The following MTDH variants were observed in gnomAD, a reference collection of about 807,000 sequenced individuals.
The protein encoded by MTDH is metadherin.
MTDH carries 34 observed loss-of-function variants against 72.7 expected under a neutral mutation model. The ratio of observed to expected loss-of-function variants is 0.47; its 90% CI spans 0.36 to 0.62. The LOEUF is 0.62. Ranked by LOEUF, MTDH falls within the 20% of genes least tolerant of loss-of-function variation. The pLI is 0.00. For missense variants in MTDH, 677 were observed against 699.4 expected, an observed-to-expected ratio of 0.97 and a Z score of 0.36; for synonymous variants, 266 against 268.9, an observed-to-expected ratio of 0.99 and a Z score of 0.10.
chr8:97,649,581 C>A (rs1277907203), intron 1 of MTDH, among the ~76,000 whole-genome samples: 1 of 152,132 alleles, frequency 6.6e-6, no homozygotes, highest in Non-Finnish European at 1.5e-5. Context: ...TTCTGTGTCT[C>A]TTTATTTATG....
At chr8:97,661,918 C>CG (rs1812184622) in intron 2 of MTDH, among the ~76,000 whole-genome samples, 1 of 110,306 alleles carries the variant, frequency 9.1e-6, no homozygotes, top group African/African-American at 3.2e-5. Context: ...GACCCTGTCT[C>CG]AAAAAAAAAA....
chr8:97,690,927 TA>T, intron 5 of MTDH, 24 bp from the exon 6 acceptor site: 1 of 1,535,048 alleles, frequency 6.5e-7, no homozygotes, highest in Non-Finnish European at 8.9e-7. Flanking sequence ...ACCTGTTTTT[TA>T]ATATTCATTT....
rs1320775432 is a variant in MTDH at position 97,691,831 on chromosome 8, C to T, written c.1048+643C>T. Among the ~76,000 whole-genome samples, 3 of 151,946 alleles carry T rather than the reference C, an allele frequency of 2.0e-5. 1 individual carries two copies. The highest frequency in any genetic ancestry group is 1.5e-5 in the Non-Finnish European group (1 of 67,978). The stretch of plus-strand genomic sequence containing the variant: ...TGTTATTTATATTTCTTCTCCCTCC[C>T]TTTCTCCTGCCCGCAACTGTATATA... On this transcript the variant is annotated intron_variant, in intron 6 of 11. Coordinates refer to ENST00000336273, the MANE Select transcript of MTDH (RefSeq NM_178812.4).
At chr8:97,689,352 G>A (rs898220654) in intron 5 of MTDH, among the ~76,000 whole-genome samples, 3 of 151,564 alleles carry the variant, frequency 2.0e-5, no homozygotes, top group African/African-American at 4.8e-5. Flanking sequence ...TTCAGTAGTC[G>A]CTTATATTGC....
At chr8:97,690,861 A>G in intron 5 of MTDH, 91 bp from the exon 6 acceptor site, 2 of 910,964 alleles carry the variant, frequency 2.2e-6, no homozygotes, top group Non-Finnish European at 3.3e-6. Context: ...TGAGTAATAA[A>G]TATAAGTCAA....
intron 11 of MTDH, among the ~76,000 whole-genome samples, chr8:97,723,272 C>G (rs936269345): frequency 6.6e-6 from 1 of 151,084 alleles, no homozygotes; most frequent in Non-Finnish European, 1.5e-5. Flanking sequence ...GCGGCGGGTG[C>G]CTGTAGTCCC....
At chr8:97,646,749 G>A (rs887917556) in intron 1 of MTDH, among the ~76,000 whole-genome samples, 5 of 152,226 alleles carry the variant, frequency 3.3e-5, no homozygotes, top group Non-Finnish European at 5.9e-5. Flanking sequence ...GAAGTGGGGA[G>A]TAAATAAGTA....
intron 6 of MTDH, among the ~76,000 whole-genome samples, chr8:97,694,854 C>T (rs1460322745): frequency 2.6e-5 from 4 of 151,602 alleles, no homozygotes; most frequent in South Asian, 2.1e-4. Flanking sequence ...ACCTGGGAAG[C>T]GGAGATTGCA....
In MTDH at chr8:97,661,114, C is replaced by A; in HGVS notation, c.424C>A (p.Arg142=). The A allele has an allele frequency of 6.2e-7, 1 of 1,613,058 alleles. No individual in the cohort carries two copies. Among genetic ancestry groups the A allele is most frequent in the Non-Finnish European group, 8.5e-7 (1 of 1,179,526 alleles). The change falls in exon 2 of 12, where the codon CGA becomes AGA. Residue 142 remains arginine, a synonymous_variant. Coordinates refer to ENST00000336273, the MANE Select transcript of MTDH (RefSeq NM_178812.4). Reference sequence around the variant, plus strand: ...TGAAGTGGCTGAGGGTGAAGCTGTTCGAACACCTCAAAGTGTAACAGCAAA... The same window carrying A: ...TGAAGTGGCTGAGGGTGAAGCTGTTAGAACACCTCAAAGTGTAACAGCAAA... ...TVEVAEGEAV[R]TPQSVTAKQP... is the part of the protein sequence containing the mutation.
intron 9 of MTDH, among the ~76,000 whole-genome samples, chr8:97,714,827 CTT>C (rs879844579): frequency 6.9e-6 from 1 of 145,616 alleles, no homozygotes; most frequent in African/African-American, 2.5e-5. Context: ...ATTTGTTTAT[CTT>C]TTTTTTTTTT....
chr8:97,693,499 A>G (rs1326475840), intron 6 of MTDH, among the ~76,000 whole-genome samples: 2 of 151,970 alleles, frequency 1.3e-5, no homozygotes, highest in African/African-American at 4.8e-5. Flanking sequence ...ACAACCGGCT[A>G]ATTTTTGTAC....
intron 1 of MTDH, among the ~76,000 whole-genome samples, chr8:97,656,104 A>C (rs1158389431): frequency 6.6e-6 from 1 of 152,108 alleles, no homozygotes; most frequent in Non-Finnish European, 1.5e-5. Flanking sequence ...TTTCTAGGTC[A>C]TTTGAATCAT....
chr8:97,677,573 C>T (rs1180794450), intron 2 of MTDH, among the ~76,000 whole-genome samples: 1 of 151,748 alleles, frequency 6.6e-6, no homozygotes, highest in Non-Finnish European at 1.5e-5. Flanking sequence ...TCAGCTACAT[C>T]ACCATGAAGT....
chr8:97,669,699 T>C (rs1003941274), intron 2 of MTDH, among the ~76,000 whole-genome samples: 1 of 151,500 alleles, frequency 6.6e-6, no homozygotes, highest in Non-Finnish European at 1.5e-5. Context: ...GGTGGACCAT[T>C]TGAGGTCAGG....
intron 2 of MTDH, among the ~76,000 whole-genome samples, 191 bp downstream of exon 2, chr8:97,661,364 G>T (rs952369780): frequency 1.3e-5 from 2 of 151,984 alleles, no homozygotes; most frequent in Non-Finnish European, 2.9e-5. Flanking sequence ...AAGGAAAGTT[G>T]CATCACCAAA....
At chr8:97,711,423 A>C (rs1359480627) in intron 8 of MTDH, among the ~76,000 whole-genome samples, 1 of 151,950 alleles carries the variant, frequency 6.6e-6, no homozygotes. Context: ...AAGGCTGTGC[A>C]GTGAGCCTTG....
chr8:97,663,077 G>C (rs1407321763), intron 2 of MTDH, among the ~76,000 whole-genome samples: 1 of 152,070 alleles, frequency 6.6e-6, no homozygotes, highest in Middle Eastern at 3.2e-3. Context: ...GCCCAATATA[G>C]ATTTACACAT....
At chr8:97,673,345 A>G (rs1375684728) in intron 2 of MTDH, among the ~76,000 whole-genome samples, 2 of 151,582 alleles carry the variant, frequency 1.3e-5, no homozygotes, top group Non-Finnish European at 2.9e-5. Flanking sequence ...ACATAGTGAG[A>G]CCCCACCTGT....
rs1204852542 is a variant in MTDH at position 97,726,511 on chromosome 8, C to G, written c.*1841C>G. 6.6e-6 allele frequency: 1 copy of G among 152,222 alleles called. No homozygotes were observed. The highest frequency in any genetic ancestry group is 1.5e-5 in the Non-Finnish European group (1 of 68,046). The allele number at this position is 152,222 out of a possible 1,614,324, so 9.4% of individuals were successfully genotyped here. A position where few individuals can be genotyped will look rare whatever the true frequency, so the allele number is the denominator to read the frequency against. On this transcript the variant is annotated 3_prime_UTR_variant, in exon 12 of 12. Coordinates refer to ENST00000336273, the MANE Select transcript of MTDH (RefSeq NM_178812.4). Reference sequence around the variant, plus strand: ...TTTAGAATGTGCCAAATGGTCTGTGCTCAACAATATAATTGAACTCTCTCA... The same window carrying G: ...TTTAGAATGTGCCAAATGGTCTGTGGTCAACAATATAATTGAACTCTCTCA...
Sources: gnomAD v4.1 joint callset for allele counts (sites outside exome capture counted in the v4.1 genomes callset) on GRCh38, gnomAD v4.1.1 for gene constraint, MANE v1.5 for transcripts, NCBI Gene and HGNC (gene_info 2026-07-23, HGNC 2026-07-21) for gene names.